The following INPP4B variants were observed in gnomAD, a reference collection of about 807,000 sequenced individuals.
INPP4B encodes the protein inositol polyphosphate 4-phosphatase type II.
A neutral mutation model predicts 122.5 loss-of-function variants in INPP4B; 55 were observed. The observed-to-expected ratio is 0.45, with a 90% CI of 0.36 to 0.56. The LOEUF (loss-of-function observed/expected upper bound fraction) is 0.56, where lower values mean the gene tolerates loss of function less well. Among genes scored for constraint, INPP4B ranks in the 20% least tolerant of loss-of-function variants. The pLI, the probability that INPP4B is intolerant of heterozygous loss-of-function variation, is 0.00. For missense variants in INPP4B, 1,000 were observed against 1,097.7 expected (o/e 0.91, Z 1.26); for synonymous variants, 403 against 388.7 (o/e 1.04, Z -0.43).
At chr4:142,239,803 T>A (rs1858392150) in intron 11 of INPP4B, among the ~76,000 whole-genome samples, 1 of 152,070 alleles carries the variant, frequency 6.6e-6, no homozygotes, top group African/African-American at 2.4e-5. Flanking sequence ...GCCAAATTGT[T>A]TCTTATTTAG....
intron 7 of INPP4B, among the ~76,000 whole-genome samples, chr4:142,323,443 C>CT (rs144904107): frequency 0.23 from 28,143 of 120,016 alleles, 4,377 homozygotes; most frequent in East Asian, 0.44. Flanking sequence ...GTTATGATGA[C>CT]TTTTTTTTTT....
At chr4:142,826,277 T>G (rs1248053085) in intron 1 of INPP4B, among the ~76,000 whole-genome samples, 2 of 152,182 alleles carry the variant, frequency 1.3e-5, no homozygotes, top group Non-Finnish European at 2.9e-5. Flanking sequence ...TAAGCTATAC[T>G]TTAAGTTTCA....
At chr4:142,512,171 T>C (rs1363373970) in intron 2 of INPP4B, among the ~76,000 whole-genome samples, 1 of 152,146 alleles carries the variant, frequency 6.6e-6, no homozygotes, top group East Asian at 1.9e-4. Flanking sequence ...GGAAAATAAC[T>C]TCAGTCTTCA....
chr4:142,823,947 T>C (rs1781107217), intron 1 of INPP4B, among the ~76,000 whole-genome samples: 1 of 152,128 alleles, frequency 6.6e-6, no homozygotes, highest in Non-Finnish European at 1.5e-5. Context: ...GTAAAAAAGA[T>C]CGACCCTCAC....
chr4:142,149,748 G>A (rs745504713), intron 17 of INPP4B, among the ~76,000 whole-genome samples: 8 of 152,148 alleles, frequency 5.3e-5, no homozygotes, highest in Non-Finnish European at 1.0e-4. Flanking sequence ...GAGATCAAAG[G>A]TGTCTTATAA....
intron 2 of INPP4B, among the ~76,000 whole-genome samples, chr4:142,619,296 A>C (rs1225012014): frequency 6.6e-6 from 1 of 152,064 alleles, no homozygotes; most frequent in Admixed American, 6.6e-5. Flanking sequence ...TCCCATGCTC[A>C]CTGAGCATGA....
intron 7 of INPP4B, among the ~76,000 whole-genome samples, chr4:142,397,860 TAAAA>T (rs1194655888): frequency 6.6e-6 from 1 of 150,386 alleles, no homozygotes; most frequent in Non-Finnish European, 1.5e-5. Context: ...AAATAAAAAA[TAAAA>T]AAAGTGCTTT....
At chr4:142,105,976 C>T (rs909497565) in intron 23 of INPP4B, among the ~76,000 whole-genome samples, 1 of 152,106 alleles carries the variant, frequency 6.6e-6, no homozygotes, top group Admixed American at 6.6e-5. Flanking sequence ...CTTTGGCTTG[C>T]AATATGTCTA....
chr4:142,717,907 C>CAAAAAAAAAA (rs33932611), intron 2 of INPP4B, among the ~76,000 whole-genome samples: 2 of 58,546 alleles, frequency 3.4e-5, no homozygotes, highest in Non-Finnish European at 8.1e-5. Flanking sequence ...AAAAAGAAAG[C>CAAAAAAAAAA]AAAAAAAAAA....
intron 21 of INPP4B, among the ~76,000 whole-genome samples, chr4:142,119,921 A>C (rs1007664975): frequency 6.0e-5 from 9 of 150,794 alleles, no homozygotes; most frequent in African/African-American, 2.2e-4. Context: ...TATATATAGA[A>C]CTCATTACCT....
chr4:142,739,902 C>T lies in INPP4B; in HGVS notation c.-253-14001G>A, dbSNP rs114290239. On this transcript the variant is annotated intron_variant, in intron 1 of 25. Coordinates refer to ENST00000262992, the MANE Select transcript of INPP4B (RefSeq NM_001101669.3). ...CATATATATTATTGCTCTTACTCTT[C>T]ACAATAACTATTGAAAAGAGACATG... Among the ~76,000 whole-genome samples the T allele has an allele frequency of 8.2e-3, 1,244 of 152,120 alleles. 22 individuals carry two copies. Among genetic ancestry groups the T allele is most frequent in the African/African-American group, 0.029 (1,185 of 41,540 alleles).
intron 2 of INPP4B, among the ~76,000 whole-genome samples, chr4:142,659,396 ACT>A: frequency 6.6e-6 from 1 of 151,530 alleles, no homozygotes; most frequent in East Asian, 2.0e-4. Flanking sequence ...ACAGAGTGAG[ACT>A]CTGTCTCAAA....
chr4:142,152,320 CCG>C (rs1259298976), intron 17 of INPP4B, among the ~76,000 whole-genome samples: 1 of 151,846 alleles, frequency 6.6e-6, no homozygotes, highest in African/African-American at 2.4e-5. Context: ...CATGATCCAC[CCG>C]CCTGGGCCTC....
intron 2 of INPP4B, among the ~76,000 whole-genome samples, chr4:142,520,048 T>G (rs759490892): frequency 9.9e-5 from 15 of 152,022 alleles, no homozygotes; most frequent in Non-Finnish European, 1.9e-4. Flanking sequence ...CTAAACAATA[T>G]TAAAGGTATT....
chr4:142,608,469 T>A (rs765082580), intron 2 of INPP4B, among the ~76,000 whole-genome samples: 1 of 152,122 alleles, frequency 6.6e-6, no homozygotes, highest in Non-Finnish European at 1.5e-5. Context: ...TCTAACTACA[T>A]TTTTCTTTCT....
intron 14 of INPP4B, among the ~76,000 whole-genome samples, chr4:142,203,279 AG>A (rs1841440235): frequency 6.6e-6 from 1 of 152,168 alleles, no homozygotes; most frequent in South Asian, 2.1e-4. Flanking sequence ...GAAGGCTTTT[AG>A]TACTATAGAT....
At chr4:142,109,262 T>A (rs1788792737) in intron 22 of INPP4B, among the ~76,000 whole-genome samples, 1 of 152,172 alleles carries the variant, frequency 6.6e-6, no homozygotes, top group Non-Finnish European at 1.5e-5. Flanking sequence ...CACTTCCAGT[T>A]TACTTTCTGG....
intron 1 of INPP4B, among the ~76,000 whole-genome samples, chr4:142,732,282 C>A (rs1766214488): frequency 6.6e-6 from 1 of 152,064 alleles, no homozygotes; most frequent in Non-Finnish European, 1.5e-5. Context: ...CTATCCCACA[C>A]TCTCATCTAT....
intron 2 of INPP4B, among the ~76,000 whole-genome samples, chr4:142,548,881 C>T (rs1193633020): frequency 6.6e-6 from 1 of 151,972 alleles, no homozygotes; most frequent in Non-Finnish European, 1.5e-5. Context: ...ATGCAATTTT[C>T]TTTGATGGCC....
Sources: allele counts gnomAD v4.1 joint callset (sites outside exome capture counted in the v4.1 genomes callset), GRCh38; gene constraint gnomAD v4.1.1; transcripts MANE v1.5; gene names NCBI Gene and HGNC (gene_info 2026-07-23, HGNC 2026-07-21).